The following RARS1 variants were observed in gnomAD, a reference collection of about 807,000 sequenced individuals.
The protein encoded by RARS1 is arginine--tRNA ligase, cytoplasmic.
Under a neutral mutation model 78.7 loss-of-function variants are expected in RARS1, and 75 were observed. The observed-to-expected ratio is 0.95, with a 90% CI of 0.79 to 1.15. The LOEUF (loss-of-function observed/expected upper bound fraction) is 1.15. Ranked by LOEUF, RARS1 falls within the 50% of genes most tolerant of loss-of-function variation. RARS1 has a pLI of 0.00. For synonymous variants in RARS1, 273 were observed against 268.2 expected (o/e 1.02, Z -0.18); for missense variants, 787 against 787.5 (o/e 1.00, Z 0.01).
At position 168,500,112 on chromosome 5, in the gene RARS1, G is replaced by A. The variant is rs180772775; in HGVS notation, c.823-479G>A. 4.8e-4 allele frequency among the ~76,000 whole-genome samples: 71 copies of A among 146,424 alleles called. 1 individual carries two copies. The highest frequency in any genetic ancestry group is 2.9e-4 in the Admixed American group (4 of 13,600). The stretch of plus-strand genomic sequence containing the variant: ...TGAAGCATGAGAATCACTTGAACCC[G>A]GGACACGGAGGTTGCAGTGAGCCGA... On this transcript the variant is annotated intron_variant, in intron 7 of 14. Transcript: ENST00000231572.
intron 9 of RARS1, among the ~76,000 whole-genome samples, chr5:168,505,302 T>A (rs191354945): frequency 3.3e-5 from 5 of 152,188 alleles, no homozygotes; most frequent in Non-Finnish European, 5.9e-5. Flanking sequence ...GCTACTGTTA[T>A]CATGTTCTTC....
rs148662195 is a variant in RARS1, at chr5:168,506,160, A to G, written c.1197A>G (p.Glu399=). The G allele has an allele frequency of 1.9e-6, 3 of 1,583,136 alleles. No individual in the cohort carries two copies. The Admixed American group carries it at 5.6e-5, about 30-fold the overall frequency. ...CTATTAAACAAAGACTATTTGAGGA[A>G]AAAGCAGATATGATTATCTATGTTG... ...LAAIKQRLFE[E]KADMIIYVVD... Residue 399 remains glutamate (E), a synonymous_variant, in exon 10 of 15, where the codon GAA becomes GAG. Coordinates refer to ENST00000231572, the MANE Select transcript of RARS1 (RefSeq NM_002887.4).
intron 11 of RARS1, among the ~76,000 whole-genome samples, chr5:168,508,586 C>G (rs921486476): frequency 7.3e-6 from 1 of 136,224 alleles, no homozygotes; most frequent in Non-Finnish European, 1.5e-5. Flanking sequence ...TGCTACTGCA[C>G]TCCAGCGTGG....
At position 168,518,051 on chromosome 5, in the gene RARS1, A is replaced by G. The variant is rs1758708530; in HGVS notation, c.1862A>G (p.Asp621Gly). 3 of 1,259,504 alleles carry G rather than the reference A, an allele frequency of 2.4e-6. No homozygotes were observed. Among genetic ancestry groups the G allele is most frequent in the Middle Eastern group, 2.2e-4 (1 of 4,622 alleles). The allele number at this position is 1,259,504 out of a possible 1,614,324, so 78.0% of individuals were successfully genotyped here. Residue 621 changes from aspartate to glycine, a missense_variant, in exon 14 of 15, where the codon GAT (aspartate) becomes GGT (glycine). Transcript: ENST00000231572. ...FYDSCYCVEKDRQTGKILKVN... is the reference protein window; with the variant it reads ...FYDSCYCVEKGRQTGKILKVN... ...GATAGCTGCTACTGTGTGGAGAAAG[A>G]TAGACAGACTGGTGAGTGTCTTTTT... is the stretch of plus-strand genomic sequence containing the variant.
chr5:168,516,136 A>T (rs1307491427), intron 12 of RARS1, among the ~76,000 whole-genome samples: 1 of 152,106 alleles, frequency 6.6e-6, no homozygotes, highest in Non-Finnish European at 1.5e-5. Context: ...AGTCCCTTCA[A>T]CTTTGCTTGT....
At chr5:168,495,241 C>T (rs1455724530) in intron 5 of RARS1, 74 bp from the exon 6 acceptor site, 7 of 1,522,808 alleles carry the variant, frequency 4.6e-6, no homozygotes, top group African/African-American at 2.8e-5. Context: ...AATGTTTATG[C>T]TCCTCTTAAA....
rs1267691348 is a variant in RARS1, at chr5:168,517,834, A to T, written c.1645A>T (p.Asn549Tyr). 1.2e-6 allele frequency: 2 copies of T among 1,601,324 alleles called. No homozygotes were observed. Among genetic ancestry groups the T allele is most frequent in the Non-Finnish European group, 1.7e-6 (2 of 1,173,738 alleles). ...TTTAAGGTCTATTGCACGTCTGGCC[A>T]ATATTGATGAAGAAATGCTCCAAAA... ...TRIRSIARLA[N>Y]IDEEMLQKAA... is the part of the protein sequence containing the mutation. The change falls in exon 14 of 15, where the codon AAT becomes TAT. Residue 549 changes from asparagine (N) to tyrosine (Y), a missense_variant. Asn to Tyr is a moderately radical substitution (Grantham distance 143, BLOSUM62 -2). Coordinates refer to ENST00000231572, the MANE Select transcript of RARS1 (RefSeq NM_002887.4).
chr5:168,512,678 C>A (rs570709776), intron 12 of RARS1, among the ~76,000 whole-genome samples: 4 of 152,272 alleles, frequency 2.6e-5, no homozygotes, highest in East Asian at 3.9e-4. Flanking sequence ...GCATCCAGCA[C>A]GGGAGAAAGA....
chr5:168,486,867 A>T (rs1311061962), intron 1 of RARS1, among the ~76,000 whole-genome samples: 1 of 151,774 alleles, frequency 6.6e-6, no homozygotes, highest in East Asian at 1.9e-4. Flanking sequence ...CTGCATACAC[A>T]CGCGATTTAG....
intron 1 of RARS1, 106 bp downstream of exon 1, chr5:168,486,649 G>T: frequency 8.0e-7 from 1 of 1,245,036 alleles, no homozygotes; most frequent in South Asian, 1.3e-5. Flanking sequence ...GACCATCCTG[G>T]TCCTCTCAGA....
rs115667735 is a variant in RARS1 at position 168,509,125 on chromosome 5, G to A, written c.1347-1456G>A. On this transcript the variant is annotated intron_variant, in intron 11 of 14. Coordinates refer to ENST00000231572, the MANE Select transcript of RARS1 (RefSeq NM_002887.4). The stretch of plus-strand genomic sequence containing the variant: ...GGAGTAACTGAAAGGAACAGTAATT[G>A]CAAAGTAGATTAAGGAAGGTTTCCT... Among the ~76,000 whole-genome samples the A allele has an allele frequency of 3.5e-3, 528 of 152,236 alleles. 4 individuals carry two copies. Among genetic ancestry groups the A allele is most frequent in the African/African-American group, 0.012 (498 of 41,544 alleles).
chr5:168,507,338 C>T (rs1160429121), intron 11 of RARS1, among the ~76,000 whole-genome samples: 1 of 152,066 alleles, frequency 6.6e-6, no homozygotes, highest in Non-Finnish European at 1.5e-5. Context: ...TTTCTATTTT[C>T]TAATTTTTTT....
intron 3 of RARS1, chr5:168,493,106 C>T (rs570206708): frequency 6.0e-6 from 2 of 335,540 alleles, no homozygotes; most frequent in East Asian, 9.5e-5. Flanking sequence ...AGGTATTTCC[C>T]TCCTGCTGTG....
intron 7 of RARS1, among the ~76,000 whole-genome samples, chr5:168,499,930 G>A (rs1293399207): frequency 1.3e-5 from 2 of 152,158 alleles, no homozygotes; most frequent in Non-Finnish European, 2.9e-5. Flanking sequence ...GCTCACACCT[G>A]TAATCCCAGC....
At chr5:168,497,487 C>G (rs148553661) in intron 7 of RARS1, 139 bp downstream of exon 7, 1 of 624,968 alleles carries the variant, frequency 1.6e-6, no homozygotes, top group Non-Finnish European at 2.5e-6. Flanking sequence ...TAATACATGT[C>G]TCTGTATAAA....
chr5:168,502,385 T>TATATATATATATA (rs34121907), intron 9 of RARS1, among the ~76,000 whole-genome samples: 1 of 93,140 alleles, frequency 1.1e-5, no homozygotes, highest in African/African-American at 5.1e-5. Context: ...TATATATATA[T>TATATATATATATA]TTTTTTTTTT....
At chr5:168,493,633 C>CAAAAAAA (rs35001933) in intron 3 of RARS1, among the ~76,000 whole-genome samples, 4 of 78,224 alleles carry the variant, frequency 5.1e-5, no homozygotes, top group Non-Finnish European at 1.0e-4. Flanking sequence ...GACTCCATCT[C>CAAAAAAA]AAAAAAAAAA....
intron 2 of RARS1, among the ~76,000 whole-genome samples, chr5:168,491,311 C>T (rs906669733): frequency 6.6e-6 from 1 of 152,158 alleles, no homozygotes; most frequent in African/African-American, 2.4e-5. Flanking sequence ...AGTGAGCTGT[C>T]ATGCCACTGC....
chr5:168,515,893 G>A (rs1468421037), intron 12 of RARS1, among the ~76,000 whole-genome samples: 1 of 152,196 alleles, frequency 6.6e-6, no homozygotes, highest in South Asian at 2.1e-4. Flanking sequence ...TGAAAGAAAT[G>A]TGTTCACAGA....
Sources: allele counts gnomAD v4.1 joint callset (sites outside exome capture counted in the v4.1 genomes callset), GRCh38; gene constraint gnomAD v4.1.1; transcripts MANE v1.5; gene names NCBI Gene and HGNC (gene_info 2026-07-23, HGNC 2026-07-21).